The following PROM1 variants were observed in gnomAD, a reference collection of about 807,000 sequenced individuals.
PROM1 encodes prominin 1.
A neutral mutation model predicts 116.9 loss-of-function variants in PROM1; 105 were observed. That is an observed-to-expected ratio of 0.90 (90% CI 0.77 to 1.06). PROM1 has a LOEUF of 1.06. Ranked by LOEUF, PROM1 falls within the 50% of genes least tolerant of loss-of-function variation. The pLI is 0.00. For synonymous variants in PROM1, 393 were observed against 387.0 expected (o/e 1.02, Z -0.18); for missense variants, 1,122 against 1,045.2 (o/e 1.07, Z -1.01).
chr4:15,986,022 T>A lies in PROM1; in HGVS notation c.2146A>T (p.Ile716Phe), dbSNP rs1223862447. Reference protein sequence around the residue: ...GNGLLERVTRILASLDFAQNF... With the variant: ...GNGLLERVTRFLASLDFAQNF... ...TGAGCAAAATCCAGAGAAGCTAGAATCCTAGTTACTCTCTCCTGAAAGACA... is the reference window on the plus strand; with the variant it reads ...TGAGCAAAATCCAGAGAAGCTAGAAACCTAGTTACTCTCTCCTGAAAGACA... Residue 716 changes from isoleucine to phenylalanine, a missense_variant, in exon 21 of 28, where the codon ATT becomes TTT. Transcript: ENST00000447510. 1 of 1,573,014 alleles carries A rather than the reference T, an allele frequency of 6.4e-7. No homozygotes were observed.
chr4:16,052,724 G>A (rs1433967453), intron 2 of PROM1, among the ~76,000 whole-genome samples: 2 of 152,166 alleles, frequency 1.3e-5, no homozygotes, highest in South Asian at 2.1e-4. Context: ...CAAGTGATCC[G>A]CCTACTTCAG....
At chr4:16,082,323 C>A (rs551721229) in intron 1 of PROM1, 7 of 151,930 alleles carry the variant, frequency 4.6e-5, no homozygotes, top group Non-Finnish European at 1.0e-4. Flanking sequence ...CCCAACATAT[C>A]GCAGCGGTTG....
At chr4:16,045,210 C>T (rs1212691438) in intron 2 of PROM1, among the ~76,000 whole-genome samples, 2 of 152,152 alleles carry the variant, frequency 1.3e-5, no homozygotes, top group African/African-American at 2.4e-5. Context: ...CTAAGAGGGA[C>T]CAGGGGACTT....
chr4:16,060,011 T>C (rs972634082), intron 2 of PROM1, among the ~76,000 whole-genome samples: 1 of 152,170 alleles, frequency 6.6e-6, no homozygotes, highest in Non-Finnish European at 1.5e-5. Flanking sequence ...TTTTCACTGA[T>C]GGAGACAAGA....
Position 16,024,343 on chromosome 4 carries a change from A to G in PROM1, c.646T>C (p.Leu216=). ...TCCTTGGTAGTGTTGTACTGGGCCA[A>G]TATATATTTGATTTGCTGAAAAAAG... ...NETPEQIKYI[L]AQYNTTKDKA... is the part of the protein sequence containing the mutation. The change falls in exon 7 of 28, where the codon TTG becomes CTG. Residue 216 remains leucine, a synonymous_variant. Coordinates refer to ENST00000447510, the MANE Select transcript of PROM1 (RefSeq NM_006017.3). 1.2e-6 allele frequency: 2 copies of G among 1,612,204 alleles called. No individual in the cohort carries two copies. Among genetic ancestry groups the G allele is most frequent in the Non-Finnish European group, 1.7e-6 (2 of 1,179,098 alleles).
At chr4:16,027,925 C>G (rs1048027580) in intron 5 of PROM1, among the ~76,000 whole-genome samples, 1 of 152,188 alleles carries the variant, frequency 6.6e-6, no homozygotes, top group Non-Finnish European at 1.5e-5. Context: ...ATACATTTCA[C>G]TACAACACTC....
intron 2 of PROM1, among the ~76,000 whole-genome samples, chr4:16,057,595 T>C (rs1292637190): frequency 6.6e-6 from 1 of 152,138 alleles, no homozygotes; most frequent in East Asian, 1.9e-4. Flanking sequence ...TAATCACCAC[T>C]CTCCTTGCAA....
intron 1 of PROM1, among the ~76,000 whole-genome samples, chr4:16,077,352 T>C (rs902333209): frequency 1.3e-5 from 2 of 152,216 alleles, no homozygotes; most frequent in Non-Finnish European, 2.9e-5. Flanking sequence ...ACCTTGTCTA[T>C]GATGCAGAAA....
At position 16,025,184 on chromosome 4, in the gene PROM1, GT is replaced by G. The variant is rs762616304; in HGVS notation, c.630+7del. The G allele has an allele frequency of 1.2e-6, 2 of 1,613,274 alleles. No individual in the cohort carries two copies. Among genetic ancestry groups the G allele is most frequent in the East Asian group, 4.5e-5 (2 of 44,884 alleles). On this transcript the variant is annotated splice_region_variant and intron_variant, in intron 6 of 27. Coordinates refer to ENST00000447510, the MANE Select transcript of PROM1 (RefSeq NM_006017.3). ...AGCATCGCGGTACATAGAGATGATGGTTTTTACCTCTGGAGTTTCATTCAAG... is the reference window on the plus strand; with the variant it reads ...AGCATCGCGGTACATAGAGATGATGGTTTTACCTCTGGAGTTTCATTCAAG...
At chr4:16,074,805 C>A (rs1309546845) in intron 2 of PROM1, among the ~76,000 whole-genome samples, 8 of 152,212 alleles carry the variant, frequency 5.3e-5, no homozygotes, top group Non-Finnish European at 7.3e-5. Context: ...CTCTCACACA[C>A]AGGCATGTAC....
chr4:15,980,350 T>C (rs1223685190), intron 24 of PROM1, 72 bp downstream of exon 24: 2 of 986,554 alleles, frequency 2.0e-6, no homozygotes, highest in East Asian at 5.4e-5. Context: ...TCAGAACTCA[T>C]CTTTAGCAAC....
In PROM1 at chr4:16,006,672, G is replaced by A. The variant is rs765602610; in HGVS notation, c.1320C>T (p.Val440=). 8 of 1,613,198 alleles carry A rather than the reference G, an allele frequency of 5.0e-6. No individual in the cohort carries two copies. The highest frequency in any genetic ancestry group is 1.7e-4 in the Middle Eastern group (1 of 6,052). ...CGATGAGGGTCAGCAGAGAGCAGAT[G>A]ACCAGGCCACCCAGCCACCTGGAGA... ...YDSYWWLGGL[V]ICSLLTLIVI... The change falls in exon 13 of 28, where the codon GTC becomes GTT. Residue 440 remains valine, a synonymous_variant. Transcript: ENST00000447510.
In PROM1 at chr4:15,979,875, G is replaced by C. The variant is rs1052406207; in HGVS notation, c.2513+6C>G. 1.4e-6 allele frequency: 2 copies of C among 1,448,542 alleles called. No homozygotes were observed. The highest frequency in any genetic ancestry group is 2.5e-5 in the East Asian group (1 of 39,992). The allele number at this position is 1,448,542 out of a possible 1,614,324, so 89.7% of individuals were successfully genotyped here. On this transcript the variant is annotated splice_donor_region_variant and intron_variant, in intron 25 of 27. Coordinates refer to ENST00000447510, the MANE Select transcript of PROM1 (RefSeq NM_006017.3). ...CTAGGAATATAGTTTTTTTAAAAAGGCTTACTTTTTCATGGGTATAGTTTC... is the reference window on the plus strand; with the variant it reads ...CTAGGAATATAGTTTTTTTAAAAAGCCTTACTTTTTCATGGGTATAGTTTC...
Position 15,984,295 on chromosome 4 carries a change from C to T in PROM1, c.2341G>A (p.Val781Ile). ...TCGATAATGTAGCTACACAGAAAGA[C>T]ATCAACAGCAGTATCTAGAGCGGTG... ...VATALDTAVD[V>I]FLCSYIIDPL... Residue 781 changes from valine to isoleucine, a missense_variant, in exon 23 of 28, where the codon GTC becomes ATC. By Grantham distance (29) the Val-to-Ile change is conservative. Transcript: ENST00000447510. 6.2e-7 allele frequency: 1 copy of T among 1,608,602 alleles called. No individual in the cohort carries two copies. The highest frequency in any genetic ancestry group is 1.1e-5 in the South Asian group (1 of 89,748).
chr4:16,006,773 C>A, intron 12 of PROM1, 83 bp from the exon 13 acceptor site: 2 of 1,381,112 alleles, frequency 1.4e-6, no homozygotes, highest in Non-Finnish European at 2.0e-6. Flanking sequence ...AGGCTGGAGC[C>A]GATGAGTTAT....
intron 2 of PROM1, among the ~76,000 whole-genome samples, chr4:16,058,508 G>T (rs1488371522): frequency 2.0e-5 from 3 of 152,018 alleles, no homozygotes; most frequent in Admixed American, 2.0e-4. Context: ...TTAGCCAGGC[G>T]TGGTGATGCA....
intron 2 of PROM1, among the ~76,000 whole-genome samples, chr4:16,058,313 G>C (rs907211752): frequency 6.6e-6 from 1 of 152,140 alleles, no homozygotes; most frequent in African/African-American, 2.4e-5. Context: ...AAAAATCACT[G>C]CTTTTCAAAA....
chr4:16,036,514 T>C (rs1307338998), intron 3 of PROM1, among the ~76,000 whole-genome samples: 1 of 152,126 alleles, frequency 6.6e-6, no homozygotes, highest in Non-Finnish European at 1.5e-5. Flanking sequence ...TCTCCCTTTC[T>C]TGGGGAAGGG....
At chr4:16,043,812 G>A (rs959302393) in intron 2 of PROM1, among the ~76,000 whole-genome samples, 5 of 152,202 alleles carry the variant, frequency 3.3e-5, no homozygotes, top group Admixed American at 3.3e-4. Flanking sequence ...CCATAGCTCT[G>A]ACTGCCAGCC....
Sources: allele counts gnomAD v4.1 joint callset (sites outside exome capture counted in the v4.1 genomes callset), GRCh38; gene constraint gnomAD v4.1.1; transcripts MANE v1.5; gene names NCBI Gene and HGNC (gene_info 2026-07-23, HGNC 2026-07-21).